Variants in SCAF11 observed in about 807,000 individuals in gnomAD.
The protein encoded by SCAF11 is SR-related CTD associated factor 11, also known as protein SCAF11.
In SCAF11, 47 loss-of-function variants were observed where a neutral mutation model predicts 140.5. The ratio of observed to expected loss-of-function variants is 0.33; its 90% CI spans 0.26 to 0.43. The LOEUF (loss-of-function observed/expected upper bound fraction) is 0.43. SCAF11 is among the 20% of genes least tolerant of loss of function. The pLI, the probability that SCAF11 is intolerant of heterozygous loss-of-function variation, is 1.00. For synonymous variants in SCAF11, 557 were observed against 579.4 expected (o/e 0.96, Z 0.55); for missense variants, 1,645 against 1,705.1 (o/e 0.96, Z 0.62).
chr12:45,964,130 T>C lies in SCAF11; in HGVS notation c.38A>G (p.Asp13Gly). 1 of 1,535,722 alleles carries C rather than the reference T, an allele frequency of 6.5e-7. No homozygotes were observed. The highest frequency in any genetic ancestry group is 9.0e-7 in the Non-Finnish European group (1 of 1,116,070). ...KKTVCTLNMG[D>G]KKYEDMEGEE... ...ACCTTCCATGTCTTCATACTTCTTA[T>C]CTCCCATATTTAGGGTACATACAGT... The change falls in exon 2 of 15, where the codon GAT (aspartate) becomes GGT (glycine). Residue 13 changes from aspartate to glycine, a missense_variant. Physicochemically the swap from Asp to Gly is moderately conservative, Grantham distance 94 (BLOSUM62 -1). This residue lies in a region of SCAF11 where 1,582 missense variants were observed against 1,609.2 expected (regional missense o/e 0.98). Coordinates refer to ENST00000369367, the MANE Select transcript of SCAF11 (RefSeq NM_004719.3).
chr12:45,943,091 T>C (rs1945341673), intron 6 of SCAF11, among the ~76,000 whole-genome samples: 1 of 152,212 alleles, frequency 6.6e-6, no homozygotes, highest in Non-Finnish European at 1.5e-5. Context: ...ATAAGCTGCT[T>C]CATCCAATAA....
At chr12:45,945,870 T>G (rs1945411740) in intron 5 of SCAF11, among the ~76,000 whole-genome samples, 1 of 152,000 alleles carries the variant, frequency 6.6e-6, no homozygotes, top group Admixed American at 6.6e-5. Flanking sequence ...ATTATTTTTT[T>G]TACTAGACAC....
At chr12:45,948,864 T>C (rs926888233) in intron 4 of SCAF11, among the ~76,000 whole-genome samples, 1 of 151,994 alleles carries the variant, frequency 6.6e-6, no homozygotes, top group African/African-American at 2.4e-5. Context: ...GATGTATGAG[T>C]TGGTCTTAAA....
At chr12:45,923,215 G>T in intron 12 of SCAF11, 61 bp from the exon 13 acceptor site, 1 of 1,422,134 alleles carries the variant, frequency 7.0e-7, no homozygotes, top group Non-Finnish European at 9.9e-7. Context: ...GTCTTTTAGT[G>T]ATGCATTAGA....
intron 1 of SCAF11, chr12:45,975,626 C>A (rs1260053200): frequency 1.3e-5 from 2 of 157,498 alleles, no homozygotes; most frequent in Non-Finnish European, 2.8e-5. Context: ...GAGACGCGCT[C>A]TGGATTAGGC....
chr12:45,924,141 T>G (rs1944785734), intron 12 of SCAF11, among the ~76,000 whole-genome samples: 1 of 152,170 alleles, frequency 6.6e-6, no homozygotes, highest in African/African-American at 2.4e-5. Flanking sequence ...ATGCCCGGCC[T>G]AGGATTCTAA....
At chr12:45,981,751 TCC>T (rs1034171192) in intron 1 of SCAF11, among the ~76,000 whole-genome samples, 2 of 151,954 alleles carry the variant, frequency 1.3e-5, no homozygotes, top group African/African-American at 4.8e-5. Flanking sequence ...ACTATGGCCA[TCC>T]CATAGCATTC....
At chr12:45,946,823 A>G (rs1197574774) in intron 5 of SCAF11, among the ~76,000 whole-genome samples, 1 of 152,216 alleles carries the variant, frequency 6.6e-6, no homozygotes, top group African/African-American at 2.4e-5. Context: ...AAATAATTAT[A>G]AAATTTGGTC....
At chr12:45,990,181 C>T (rs1946561567) in intron 1 of SCAF11, among the ~76,000 whole-genome samples, 172 bp downstream of exon 1, 1 of 152,154 alleles carries the variant, frequency 6.6e-6, no homozygotes, top group Non-Finnish European at 1.5e-5. Context: ...CGAGAGGTAG[C>T]TCCAACTTTC....
Position 45,921,077 on chromosome 12 carries a change from G to A in SCAF11, c.*971C>T, listed in dbSNP as rs1462129747. 6.6e-6 allele frequency: 1 copy of A among 152,008 alleles called. No homozygotes were observed. The highest frequency in any genetic ancestry group is 1.5e-5 in the Non-Finnish European group (1 of 68,024). 9.4% of individuals were successfully genotyped at this position (152,008 alleles called of 1,614,324 possible). A position where few individuals can be genotyped will look rare whatever the true frequency, so the allele number is the denominator to read the frequency against. ...GGCTCACTGCAATCCCCGCCTCCCGGGTTCAACTGATTCTCCTGCCTCAGC... is the reference window on the plus strand; with the variant it reads ...GGCTCACTGCAATCCCCGCCTCCCGAGTTCAACTGATTCTCCTGCCTCAGC... On this transcript the variant is annotated 3_prime_UTR_variant, in exon 15 of 15. Transcript: ENST00000369367.
intron 3 of SCAF11, among the ~76,000 whole-genome samples, chr12:45,958,914 C>T (rs189732255): frequency 8.9e-4 from 136 of 152,256 alleles, no homozygotes; most frequent in Admixed American, 3.7e-3. Flanking sequence ...TACTAGACTA[C>T]GACACACTTT....
At chr12:45,969,975 C>T (rs529045850) in intron 1 of SCAF11, among the ~76,000 whole-genome samples, 1 of 152,306 alleles carries the variant, frequency 6.6e-6, no homozygotes, top group Middle Eastern at 3.4e-3. Flanking sequence ...CAGCTCACCG[C>T]AACCTCCGCT....
intron 3 of SCAF11, among the ~76,000 whole-genome samples, chr12:45,954,259 T>C (rs1945622055): frequency 6.6e-6 from 1 of 152,128 alleles, no homozygotes; most frequent in Non-Finnish European, 1.5e-5. Context: ...TGAGACAGGG[T>C]CTTGCTCTGT....
At chr12:45,964,014 A>G in intron 2 of SCAF11, 93 bp downstream of exon 2, 1 of 665,762 alleles carries the variant, frequency 1.5e-6, no homozygotes, top group South Asian at 1.8e-5. Context: ...AATAACAAAA[A>G]ACTCCTGTGT....
At chr12:45,941,249 T>TA (rs1436445133) in intron 6 of SCAF11, among the ~76,000 whole-genome samples, 1 of 152,196 alleles carries the variant, frequency 6.6e-6, no homozygotes, top group Non-Finnish European at 1.5e-5. Context: ...ACACCTTACT[T>TA]ATCGAAAAAC....
chr12:45,926,206 T>C lies in SCAF11; in HGVS notation c.3495A>G (p.Arg1165=). The C allele has an allele frequency of 1.2e-6, 2 of 1,614,222 alleles. No homozygotes were observed. Among genetic ancestry groups the C allele is most frequent in the Non-Finnish European group, 1.7e-6 (2 of 1,180,026 alleles). ...PADVQNYYSR[R]GRNSSGPQSG... ...ACTGTGGACCTGAAGAATTTCTGCCTCGTCGTGAGTAGTAGTTTTGTACAT... is the reference window on the plus strand; with the variant it reads ...ACTGTGGACCTGAAGAATTTCTGCCCCGTCGTGAGTAGTAGTTTTGTACAT... Residue 1165 remains arginine, a synonymous_variant, in exon 11 of 15, where the codon CGA becomes CGG. Coordinates refer to ENST00000369367, the MANE Select transcript of SCAF11 (RefSeq NM_004719.3).
chr12:45,953,216 G>A (rs1464303432), intron 3 of SCAF11, among the ~76,000 whole-genome samples: 1 of 152,158 alleles, frequency 6.6e-6, no homozygotes, highest in African/African-American at 2.4e-5. Context: ...TTGACCTTAA[G>A]AAGGTTTGCT....
intron 1 of SCAF11, among the ~76,000 whole-genome samples, chr12:45,983,357 G>C (rs1021342874): frequency 6.6e-6 from 1 of 152,146 alleles, no homozygotes; most frequent in Non-Finnish European, 1.5e-5. Flanking sequence ...TAGACACATA[G>C]ATATCAACAA....
At position 45,927,481 on chromosome 12, in the gene SCAF11, A is replaced by T; in HGVS notation, c.2220T>A (p.Asp740Glu). Residue 740 changes from aspartate (D) to glutamate (E), a missense_variant, in exon 11 of 15, where the codon GAT (aspartate) becomes GAA (glutamate). Physicochemically the swap from Asp to Glu is conservative, Grantham distance 45 (BLOSUM62 2). Transcript: ENST00000369367. Reference protein sequence around the residue: ...ESEVEPSVNADLKQMNENSVT... With the variant: ...ESEVEPSVNAELKQMNENSVT... ...CAGAATTTTCATTCATTTGTTTAAG[A>T]TCAGCATTTACAGATGGTTCAACTT... The T allele has an allele frequency of 6.2e-7, 1 of 1,613,748 alleles. No individual in the cohort carries two copies. The highest frequency in any genetic ancestry group is 8.5e-7 in the Non-Finnish European group (1 of 1,179,976).
Sources: allele counts gnomAD v4.1 joint callset (sites outside exome capture counted in the v4.1 genomes callset), GRCh38; gene constraint gnomAD v4.1.1; regional missense constraint gnomAD v4.1.1; transcripts MANE v1.5; gene names NCBI Gene and HGNC (gene_info 2026-07-23, HGNC 2026-07-21).